The following SLTM variants were observed in gnomAD, a reference collection of about 807,000 sequenced individuals.
SLTM encodes the protein SAFB-like transcription modulator.
SLTM carries 43 observed loss-of-function variants against 134.6 expected under a neutral mutation model. The observed-to-expected ratio is 0.32, with a 90% CI of 0.25 to 0.41. The LOEUF (loss-of-function observed/expected upper bound fraction) is 0.41. Ranked by LOEUF, SLTM falls within the 10% of genes least tolerant of loss-of-function variation. The pLI, the probability that SLTM is intolerant of heterozygous loss-of-function variation, is 1.00. For synonymous variants in SLTM, 424 were observed against 432.3 expected, an observed-to-expected ratio of 0.98 and a Z score of 0.24; for missense variants, 1,055 against 1,288.8, an observed-to-expected ratio of 0.82 and a Z score of 2.78.
Position 58,889,572 on chromosome 15 carries a change from T to A in SLTM, c.2080-18A>T, listed in dbSNP as rs1408092278. The A allele has an allele frequency of 8.7e-6, 14 of 1,613,078 alleles. No homozygotes were observed. Among genetic ancestry groups the A allele is most frequent in the Non-Finnish European group, 1.2e-5 (14 of 1,179,560 alleles). Reference sequence around the variant, plus strand: ...CGACGTTCCTTCAGACAACACAGAATGAAGAACCAACCAAGGCAAAATGAA... The same window carrying A: ...CGACGTTCCTTCAGACAACACAGAAAGAAGAACCAACCAAGGCAAAATGAA... On this transcript the variant is annotated intron_variant, in intron 15 of 20. Transcript: ENST00000380516.
At chr15:58,922,494 CATATT>C (rs1269391384) in intron 2 of SLTM, among the ~76,000 whole-genome samples, 2 of 139,728 alleles carry the variant, frequency 1.4e-5, no homozygotes, top group African/African-American at 5.3e-5. Context: ...ATACAATATG[CATATT>C]ATATATTATA....
chr15:58,904,478 T>C (rs1419612429), intron 5 of SLTM, among the ~76,000 whole-genome samples: 2 of 151,648 alleles, frequency 1.3e-5, no homozygotes, highest in Non-Finnish European at 2.9e-5. Flanking sequence ...CCAGAACAAG[T>C]AAATGATCAA....
chr15:58,932,091 C>A, intron 2 of SLTM: 1 of 337,630 alleles, frequency 3.0e-6, no homozygotes, highest in Non-Finnish European at 5.6e-6. Context: ...CACTATGAAG[C>A]ATCATTACAC....
chr15:58,893,596 T>C (rs1449205450), intron 12 of SLTM, among the ~76,000 whole-genome samples: 1 of 152,216 alleles, frequency 6.6e-6, no homozygotes, highest in Non-Finnish European at 1.5e-5. Context: ...CAATGACCAT[T>C]TTAAGTCAGC....
At chr15:58,920,299 A>T (rs1187154427) in intron 2 of SLTM, among the ~76,000 whole-genome samples, 5 of 151,670 alleles carry the variant, frequency 3.3e-5, no homozygotes, top group Non-Finnish European at 5.9e-5. Flanking sequence ...CATGCCTGAG[A>T]GACAGAGCGA....
At position 58,893,557 on chromosome 15, in the gene SLTM, C is replaced by T. The variant is rs1079087; in HGVS notation, c.1649-193G>A. Among the ~76,000 whole-genome samples the T allele has an allele frequency of 9.2e-3, 1,402 of 152,208 alleles. 21 individuals are homozygous for T. The highest frequency in any genetic ancestry group is 0.033 in the African/African-American group (1,358 of 41,530). Reference sequence around the variant, plus strand: ...GCTAACATAAATACTTTCAGTGATACCAAAAGATCCTAATTCAATAGTACT... The same window carrying T: ...GCTAACATAAATACTTTCAGTGATATCAAAAGATCCTAATTCAATAGTACT... On this transcript the variant is annotated intron_variant, in intron 12 of 20. Transcript: ENST00000380516.
intron 16 of SLTM, chr15:58,889,163 TTTAA>T (rs1325054909): frequency 2.8e-5 from 9 of 322,556 alleles, no homozygotes; most frequent in Admixed American, 4.6e-5. Context: ...TCAAAATCTG[TTTAA>T]TTATTATTGA....
rs754394967 is a variant in SLTM at position 58,897,158 on chromosome 15, G to C, written c.1184C>G (p.Thr395Ser). 1.9e-6 allele frequency: 3 copies of C among 1,613,036 alleles called. No individual in the cohort carries two copies. Among genetic ancestry groups the C allele is most frequent in the Non-Finnish European group, 2.5e-6 (3 of 1,179,418 alleles). ...NIWVSGLSSN[T>S]KAADLKNLFG... ...GAGGTTCTTCAAATCAGCAGCTTTG[G>C]TATTAGATGAAAGTCCACTAACCCA... The change falls in exon 9 of 21, where the codon ACC (threonine) becomes AGC (serine). Residue 395 changes from threonine to serine, a missense_variant. Physicochemically the swap from Thr to Ser is moderately conservative, Grantham distance 58. This residue lies in a region of SLTM where 776 missense variants were observed against 962.2 expected (regional missense o/e 0.81). Transcript: ENST00000380516.
At chr15:58,893,631 G>T (rs2034838962) in intron 12 of SLTM, among the ~76,000 whole-genome samples, 190 bp downstream of exon 12, 2 of 152,098 alleles carry the variant, frequency 1.3e-5, no homozygotes, top group Non-Finnish European at 2.9e-5. Context: ...GAGCTTAGCT[G>T]GAAGAATACA....
chr15:58,905,196 T>C (rs2035787376), intron 5 of SLTM, among the ~76,000 whole-genome samples: 1 of 152,256 alleles, frequency 6.6e-6, no homozygotes, highest in Admixed American at 6.5e-5. Flanking sequence ...TTAAGCATTA[T>C]GTGTCCAATT....
At chr15:58,889,998 G>A (rs2034531266) in intron 15 of SLTM, 1 of 435,800 alleles carries the variant, frequency 2.3e-6, no homozygotes, top group Non-Finnish European at 4.1e-6. Context: ...TAGTGACAGA[G>A]CCTGGATTAC....
chr15:58,887,665 A>T (rs2034329280), intron 17 of SLTM, 125 bp from the exon 18 acceptor site: 1 of 1,452,744 alleles, frequency 6.9e-7, no homozygotes, highest in Admixed American at 2.7e-5. Flanking sequence ...AAAGCCATGG[A>T]AAAAAGCTAG....
At chr15:58,915,242 C>T (rs1168920145) in intron 3 of SLTM, among the ~76,000 whole-genome samples, 2 of 151,800 alleles carry the variant, frequency 1.3e-5, no homozygotes, top group African/African-American at 2.4e-5. Context: ...AAAAAGTTCC[C>T]TTGTTCTTTT....
chr15:58,922,646 TTATATGC>T (rs2037174720), intron 2 of SLTM, among the ~76,000 whole-genome samples: 1 of 147,136 alleles, frequency 6.8e-6, no homozygotes, highest in Admixed American at 6.9e-5. Flanking sequence ...ATATTATATA[TTATATGC>T]GTATATAAAA....
chr15:58,904,306 C>T (rs571573080), intron 5 of SLTM, among the ~76,000 whole-genome samples: 50 of 152,210 alleles, frequency 3.3e-4, no homozygotes, highest in Admixed American at 6.5e-4. Context: ...CTGCCACGCC[C>T]GGCCAACAAT....
At chr15:58,908,150 G>A (rs979957224) in intron 5 of SLTM, among the ~76,000 whole-genome samples, 1 of 151,208 alleles carries the variant, frequency 6.6e-6, no homozygotes, top group Non-Finnish European at 1.5e-5. Context: ...TCAACCTCCT[G>A]GACTCAAGCA....
At chr15:58,895,375 G>T (rs1312870660) in intron 9 of SLTM, among the ~76,000 whole-genome samples, 1 of 152,174 alleles carries the variant, frequency 6.6e-6, no homozygotes, top group Non-Finnish European at 1.5e-5. Flanking sequence ...TTCAATCTAT[G>T]TGCTTTTAAA....
chr15:58,886,246 TGTGTGTGTGTGTGTGTGTGTA>T (rs1435931931), intron 19 of SLTM, among the ~76,000 whole-genome samples: 6 of 148,102 alleles, frequency 4.1e-5, no homozygotes, highest in African/African-American at 1.2e-4. Context: ...TGTGTGTGTG[TGTGTGTGTGTGTGTGTGTGTA>T]TTTTTTTTTT....
At chr15:58,928,429 G>A (rs2037635933) in intron 2 of SLTM, among the ~76,000 whole-genome samples, 3 of 152,054 alleles carry the variant, frequency 2.0e-5, no homozygotes, top group Admixed American at 2.0e-4. Context: ...TGAAGACTCA[G>A]GAAAGCCATT....
Sources: gnomAD v4.1 joint callset for allele counts (sites outside exome capture counted in the v4.1 genomes callset) on GRCh38, gnomAD v4.1.1 for gene constraint, gnomAD v4.1.1 regional missense constraint, MANE v1.5 for transcripts, NCBI Gene and HGNC (gene_info 2026-07-23, HGNC 2026-07-21) for gene names.